TBC1D5: variants seen among roughly 807,000 people sequenced by gnomAD.
TBC1D5 encodes TBC1 domain family, member 5.
Under a neutral mutation model 100.3 loss-of-function variants are expected in TBC1D5, and 75 were observed. That is an observed-to-expected ratio of 0.75 (90% CI 0.62 to 0.91). The LOEUF (loss-of-function observed/expected upper bound fraction) is 0.91, where lower values mean the gene tolerates loss of function less well. Among genes scored for constraint, TBC1D5 ranks in the 40% least tolerant of loss-of-function variants. The pLI, the probability that TBC1D5 is intolerant of heterozygous loss-of-function variation, is 0.00. For synonymous variants in TBC1D5, 323 were observed against 325.6 expected (o/e 0.99, Z 0.09); for missense variants, 910 against 942.4 (o/e 0.97, Z 0.45).
At chr3:17,407,825 A>G (rs756306822) in intron 4 of TBC1D5, among the ~76,000 whole-genome samples, 9 of 152,248 alleles carry the variant, frequency 5.9e-5, no homozygotes, top group Non-Finnish European at 1.2e-4. Flanking sequence ...TAAATGAGAC[A>G]CACATTCCAG....
intron 1 of TBC1D5, among the ~76,000 whole-genome samples, chr3:17,714,022 C>T (rs1020111510): frequency 2.6e-5 from 4 of 152,172 alleles, no homozygotes; most frequent in Admixed American, 2.0e-4. Flanking sequence ...TTTTTCATGC[C>T]CTAGCCCCAT....
chr3:17,238,111 C>T, intron 17 of TBC1D5, 52 bp downstream of exon 17: 1 of 1,557,682 alleles, frequency 6.4e-7, no homozygotes, highest in South Asian at 1.2e-5. Context: ...GTGAAGAAAT[C>T]CCAGGCTACA....
chr3:17,161,587 A>C (rs1188953068), intron 21 of TBC1D5, among the ~76,000 whole-genome samples: 1 of 152,282 alleles, frequency 6.6e-6, no homozygotes, highest in Non-Finnish European at 1.5e-5. Context: ...AATAGGTTGC[A>C]GGCAGAATCC....
At chr3:17,326,928 T>G (rs760629217) in intron 13 of TBC1D5, among the ~76,000 whole-genome samples, 120 of 152,306 alleles carry the variant, frequency 7.9e-4, no homozygotes, top group Non-Finnish European at 1.2e-3. Flanking sequence ...TCCCTTTCTC[T>G]CATACCCTAC....
intron 15 of TBC1D5, among the ~76,000 whole-genome samples, chr3:17,262,587 C>T (rs373307979): frequency 1.6e-4 from 24 of 150,602 alleles, no homozygotes; most frequent in South Asian, 1.5e-3. Flanking sequence ...GTTCACGCCA[C>T]TCTCCTGCCT....
intron 2 of TBC1D5, among the ~76,000 whole-genome samples, chr3:17,530,368 A>C (rs1323420280): frequency 6.6e-6 from 1 of 152,188 alleles, no homozygotes; most frequent in East Asian, 1.9e-4. Context: ...GTTACAACTA[A>C]ATTCATCAGC....
rs187229938 is a variant in TBC1D5 at position 17,572,556 on chromosome 3, A to G, written c.-36+51293T>C. Among the ~76,000 whole-genome samples, 543 of 152,150 alleles carry G rather than the reference A, an allele frequency of 3.6e-3. 1 individual carries two copies. Among genetic ancestry groups the G allele is most frequent in the Non-Finnish European group, 6.2e-3 (420 of 67,962 alleles). On this transcript the variant is annotated intron_variant, in intron 2 of 21. Coordinates refer to ENST00000253692, the Ensembl canonical transcript of TBC1D5. ...CTCCCTCTGACAGTCAGCTCTTCAG[A>G]TAATAGTAACATAGTACCTTTCACT...
At chr3:17,300,451 G>A (rs2082708038) in intron 14 of TBC1D5, among the ~76,000 whole-genome samples, 1 of 152,128 alleles carries the variant, frequency 6.6e-6, no homozygotes, top group African/African-American at 2.4e-5. Flanking sequence ...TAGAGAAATA[G>A]AAATTCTGGG....
chr3:17,456,070 G>A (rs1392802701), intron 3 of TBC1D5, among the ~76,000 whole-genome samples: 1 of 152,132 alleles, frequency 6.6e-6, no homozygotes, highest in Admixed American at 6.5e-5. Flanking sequence ...TTCAATAAAT[G>A]GTAGTGTGAA....
intron 21 of TBC1D5, among the ~76,000 whole-genome samples, chr3:17,163,697 C>T (rs1352105977): frequency 6.6e-6 from 1 of 152,162 alleles, no homozygotes; most frequent in Non-Finnish European, 1.5e-5. Flanking sequence ...CAGCAGTGTT[C>T]AACAGACATT....
chr3:17,284,199 C>T (rs1243420711), intron 15 of TBC1D5, among the ~76,000 whole-genome samples: 1 of 151,870 alleles, frequency 6.6e-6, no homozygotes, highest in East Asian at 1.9e-4. Flanking sequence ...CTCACTGCAA[C>T]CTCCACCTTC....
chr3:17,427,692 T>C lies in TBC1D5; in HGVS notation c.167+758A>G, dbSNP rs2094364737. Among the ~76,000 whole-genome samples the C allele has an allele frequency of 3.3e-5, 5 of 152,084 alleles. No individual in the cohort carries two copies. The South Asian group carries it at 1.0e-3, about 31-fold the overall frequency. ...CTTCAAGAATCTGCATTGCCATCTA[T>C]AATGTTAAAATGTATTATTATTGAA... On this transcript the variant is annotated intron_variant, in intron 4 of 21. Coordinates refer to ENST00000253692, the Ensembl canonical transcript of TBC1D5.
intron 2 of TBC1D5, among the ~76,000 whole-genome samples, chr3:17,515,700 G>C (rs147833619): frequency 6.6e-6 from 1 of 152,018 alleles, no homozygotes; most frequent in Non-Finnish European, 1.5e-5. Context: ...TACTTTTCTC[G>C]CATGCAAGCT....
At chr3:17,323,579 T>C (rs1180093914) in intron 13 of TBC1D5, among the ~76,000 whole-genome samples, 1 of 151,994 alleles carries the variant, frequency 6.6e-6, no homozygotes, top group Admixed American at 6.6e-5. Flanking sequence ...AAAAGAAAAG[T>C]AACAGCATCT....
chr3:17,363,183 T>C (rs1024853492), intron 13 of TBC1D5, among the ~76,000 whole-genome samples: 2 of 152,184 alleles, frequency 1.3e-5, no homozygotes, highest in Non-Finnish European at 2.9e-5. Flanking sequence ...ATTTACCTTA[T>C]TATTGGAAAT....
intron 19 of TBC1D5, among the ~76,000 whole-genome samples, chr3:17,183,406 C>CTTG (rs1175033888): frequency 6.6e-6 from 1 of 152,204 alleles, no homozygotes; most frequent in African/African-American, 2.4e-5. Context: ...TAATTGGACT[C>CTTG]TGCAAGTGGT....
intron 2 of TBC1D5, among the ~76,000 whole-genome samples, chr3:17,579,153 T>C (rs1279138597): frequency 6.6e-6 from 1 of 152,046 alleles, no homozygotes; most frequent in East Asian, 1.9e-4. Context: ...GTCAAATCAT[T>C]ACAAATTAAA....
At chr3:17,281,893 T>G (rs2080642804) in intron 15 of TBC1D5, among the ~76,000 whole-genome samples, 1 of 152,242 alleles carries the variant, frequency 6.6e-6, no homozygotes, top group South Asian at 2.1e-4. Flanking sequence ...GTGATGGTTT[T>G]TTTGTTCTGT....
chr3:17,391,538 A>G (rs1364510587), intron 8 of TBC1D5, among the ~76,000 whole-genome samples: 1 of 151,940 alleles, frequency 6.6e-6, no homozygotes, highest in Non-Finnish European at 1.5e-5. Flanking sequence ...AGAGGTTTTG[A>G]TATCTGAAAC....
Sources: gnomAD v4.1 joint callset for allele counts (sites outside exome capture counted in the v4.1 genomes callset) on GRCh38, gnomAD v4.1.1 for gene constraint, MANE v1.5 for transcripts, NCBI Gene and HGNC (gene_info 2026-07-23, HGNC 2026-07-21) for gene names.